Variants in PDE1C observed in about 807,000 individuals in gnomAD.
PDE1C encodes phosphodiesterase 1C.
In PDE1C, 62 loss-of-function variants were observed where a neutral mutation model predicts 93.1. The observed-to-expected ratio is 0.67, with a 90% CI of 0.54 to 0.82. The LOEUF is 0.82. Among genes scored for constraint, PDE1C ranks in the 40% least tolerant of loss-of-function variants. PDE1C has a pLI of 0.00. For missense variants in PDE1C, 742 were observed against 884.6 expected (o/e 0.84, Z 2.04); for synonymous variants, 325 against 310.1 (o/e 1.05, Z -0.50).
intron 2 of PDE1C, among the ~76,000 whole-genome samples, chr7:32,031,079 T>A (rs967057676): frequency 4.6e-5 from 7 of 152,170 alleles, no homozygotes; most frequent in African/African-American, 1.4e-4. Context: ...GAGCTTCCCT[T>A]CTCCACTATG....
intron 2 of PDE1C, among the ~76,000 whole-genome samples, chr7:32,004,882 A>C (rs1026702719): frequency 2.6e-5 from 4 of 152,248 alleles, no homozygotes; most frequent in Non-Finnish European, 5.9e-5. Flanking sequence ...TTTTTAACAT[A>C]TTTGAAGAGC....
At chr7:31,874,341 A>G (rs1796288078) in intron 5 of PDE1C, among the ~76,000 whole-genome samples, 2 of 152,246 alleles carry the variant, frequency 1.3e-5, no homozygotes, top group Non-Finnish European at 2.9e-5. Flanking sequence ...TTAAAGCAAC[A>G]GTCATTTGGC....
At chr7:32,227,316 C>A (rs1179039558) in intron 1 of PDE1C, among the ~76,000 whole-genome samples, 1 of 152,148 alleles carries the variant, frequency 6.6e-6, no homozygotes, top group Non-Finnish European at 1.5e-5. Context: ...CAGGGAAGCC[C>A]ACCCTATACC....
At chr7:32,378,956 G>T (rs975431654) in intron 1 of PDE1C, among the ~76,000 whole-genome samples, 41 of 152,164 alleles carry the variant, frequency 2.7e-4, no homozygotes, top group African/African-American at 9.7e-4. Flanking sequence ...TAACCTATCA[G>T]GCAGTTACAA....
intron 1 of PDE1C, among the ~76,000 whole-genome samples, chr7:32,422,045 T>A (rs1176507212): frequency 1.3e-5 from 2 of 152,132 alleles, no homozygotes; most frequent in African/African-American, 2.4e-5. Flanking sequence ...CCAACTTGCA[T>A]CCTAGGTGAA....
chr7:31,707,936 G>A, the PDE1C span: 1 of 152,160 alleles, frequency 6.6e-6, no homozygotes, highest in Non-Finnish European at 1.5e-5. Context: ...GGGAAGCTTA[G>A]CAATGTATCT....
Position 32,112,409 on chromosome 7 carries a change from G to C in PDE1C, c.308+57376C>G, listed in dbSNP as rs1185625394. On this transcript the variant is annotated intron_variant, in intron 3 of 18. Coordinates refer to the PDE1C transcript ENST00000396193. ...GCCAATGGCTGCAACACATTTTATT[G>C]AGATAACTATCCCTTCCTGACCAAT... Among the ~76,000 whole-genome samples the C allele has an allele frequency of 1.3e-5, 2 of 151,822 alleles. 1 individual carries two copies. Among genetic ancestry groups the C allele is most frequent in the East Asian group, 3.9e-4 (2 of 5,178 alleles).
intron 17 of PDE1C, among the ~76,000 whole-genome samples, chr7:31,767,480 C>T (rs1453176215): frequency 2.0e-5 from 3 of 152,188 alleles, no homozygotes; most frequent in Non-Finnish European, 4.4e-5. Flanking sequence ...CCCCCTTCAC[C>T]TTCTGCCATG....
intron 3 of PDE1C, among the ~76,000 whole-genome samples, chr7:32,158,317 G>A (rs1801702299): frequency 1.3e-5 from 2 of 152,098 alleles, no homozygotes; most frequent in African/African-American, 4.8e-5. Context: ...TTCTAAATGA[G>A]GACAAGCATG....
chr7:32,298,798 G>C (rs2128901414), exon 1 of PDE1C: 1 of 1,533,718 alleles, frequency 6.5e-7, no homozygotes, highest in Non-Finnish European at 8.7e-7. Flanking sequence ...CCCCCCCACG[G>C]CGGAGTGAGC....
chr7:32,356,431 G>C (rs1022170735), intron 1 of PDE1C, among the ~76,000 whole-genome samples: 9 of 152,346 alleles, frequency 5.9e-5, no homozygotes, highest in Admixed American at 1.3e-4. Context: ...CTAGAAAGCT[G>C]TTAAAAGTGG....
chr7:32,029,403 A>G (rs1376843996), intron 2 of PDE1C, among the ~76,000 whole-genome samples: 1 of 152,186 alleles, frequency 6.6e-6, no homozygotes, highest in Non-Finnish European at 1.5e-5. Flanking sequence ...CCCATGTTCA[A>G]TGCAGCTCTA....
chr7:32,398,360 T>G (rs970404554), intron 1 of PDE1C, among the ~76,000 whole-genome samples: 1 of 150,926 alleles, frequency 6.6e-6, no homozygotes, highest in Non-Finnish European at 1.5e-5. Context: ...TGATACGGGA[T>G]GATTTCCAAG....
Position 32,399,522 on chromosome 7 carries a change from C to T in PDE1C, c.310+28300G>A, listed in dbSNP as rs1327684003. ...ATGTGGCAGAGAGATCTTGCTCATC[C>T]TCGTCTTATAAGGCCACAGTCTTAT... On this transcript the variant is annotated intron_variant, in intron 1 of 1. Coordinates refer to the PDE1C transcript ENST00000672256. Among the ~76,000 whole-genome samples the T allele has an allele frequency of 5.3e-5, 8 of 151,604 alleles. No individual in the cohort carries two copies. In the East Asian group the frequency reaches 1.5e-3, roughly 29 times the overall value.
chr7:31,976,748 A>G (rs1811721503), intron 2 of PDE1C, among the ~76,000 whole-genome samples: 1 of 152,180 alleles, frequency 6.6e-6, no homozygotes, highest in Non-Finnish European at 1.5e-5. Flanking sequence ...ATATCGAATT[A>G]TATCATGTGC....
At chr7:31,943,896 C>G (rs182736889) in intron 2 of PDE1C, among the ~76,000 whole-genome samples, 1 of 152,188 alleles carries the variant, frequency 6.6e-6, no homozygotes, top group East Asian at 1.9e-4. Flanking sequence ...ATATTAATAG[C>G]TAGATGTTAA....
the PDE1C span, among the ~76,000 whole-genome samples, chr7:31,681,362 TGGATGGAC>T: frequency 1.6e-5 from 2 of 125,610 alleles, no homozygotes; most frequent in African/African-American, 3.2e-5. Context: ...GATGGATGGA[TGGATGGAC>T]GGATGGATGG....
chr7:32,169,435 C>T (rs919197309), intron 3 of PDE1C, among the ~76,000 whole-genome samples: 86 of 152,278 alleles, frequency 5.6e-4, no homozygotes, highest in African/African-American at 1.8e-3. Context: ...ATTCCCAACA[C>T]GTGCTTTTTC....
chr7:31,782,126 A>C (rs1236665957), intron 16 of PDE1C, among the ~76,000 whole-genome samples: 1 of 152,220 alleles, frequency 6.6e-6, no homozygotes, highest in Non-Finnish European at 1.5e-5. Context: ...TTAATTGCCC[A>C]ACAGCAGAGA....
Sources: gnomAD v4.1 joint callset for allele counts (sites outside exome capture counted in the v4.1 genomes callset) on GRCh38, gnomAD v4.1.1 for gene constraint, MANE v1.5 for transcripts, NCBI Gene and HGNC (gene_info 2026-07-23, HGNC 2026-07-21) for gene names.